KIAA1328: variants seen among roughly 807,000 people sequenced by gnomAD.
KIAA1328 encodes the protein protein hinderin.
In KIAA1328, 52 loss-of-function variants were observed where a neutral mutation model predicts 68.1. That is an observed-to-expected ratio of 0.76 (90% CI 0.61 to 0.96). The LOEUF (loss-of-function observed/expected upper bound fraction) is 0.96, where lower values mean the gene tolerates loss of function less well. KIAA1328 is among the 40% of genes least tolerant of loss of function. The pLI, the probability that KIAA1328 is intolerant of heterozygous loss-of-function variation, is 0.00. For missense variants in KIAA1328, 641 were observed against 677.6 expected (o/e 0.95, Z 0.60); for synonymous variants, 232 against 239.4 (o/e 0.97, Z 0.28).
At chr18:37,211,809 G>A (rs1296540586) in intron 9 of KIAA1328, among the ~76,000 whole-genome samples, 1 of 152,168 alleles carries the variant, frequency 6.6e-6, no homozygotes, top group East Asian at 1.9e-4. Flanking sequence ...GATTGAATAT[G>A]TTGGTGCCTA....
At chr18:37,094,282 G>A (rs779231649) in intron 7 of KIAA1328, among the ~76,000 whole-genome samples, 3 of 152,234 alleles carry the variant, frequency 2.0e-5, no homozygotes, top group South Asian at 2.1e-4. Context: ...GATTGGTACC[G>A]GTCTGCAGCC....
chr18:37,192,955 A>C (rs543409175), intron 9 of KIAA1328, among the ~76,000 whole-genome samples: 1 of 152,228 alleles, frequency 6.6e-6, no homozygotes, highest in African/African-American at 2.4e-5. Flanking sequence ...TTCTTCTTAA[A>C]TAATTTTATT....
chr18:36,903,751 A>G (rs986119032), intron 5 of KIAA1328: 2 of 152,144 alleles, frequency 1.3e-5, no homozygotes, highest in Non-Finnish European at 2.9e-5. Context: ...AATCATTCAA[A>G]AAGTGTTATT....
At chr18:37,008,309 A>G (rs977429034) in intron 6 of KIAA1328, among the ~76,000 whole-genome samples, 6 of 152,206 alleles carry the variant, frequency 3.9e-5, no homozygotes, top group African/African-American at 1.4e-4. Flanking sequence ...CATTGTAGCA[A>G]CGCTTTGAGA....
chr18:36,927,124 T>A (rs556356639), intron 5 of KIAA1328, among the ~76,000 whole-genome samples: 38 of 152,318 alleles, frequency 2.5e-4, no homozygotes, highest in African/African-American at 8.7e-4. Flanking sequence ...ACATTGGGAA[T>A]CACATTTTAA....
intron 4 of KIAA1328, among the ~76,000 whole-genome samples, chr18:36,849,618 C>T (rs1025105497): frequency 6.6e-6 from 1 of 152,030 alleles, no homozygotes; most frequent in Non-Finnish European, 1.5e-5. Context: ...TTTATCCATT[C>T]ATACTTTGAT....
chr18:37,102,647 G>A (rs323291), intron 7 of KIAA1328, among the ~76,000 whole-genome samples: 40,683 of 151,990 alleles, frequency 0.27, 8,591 homozygotes, highest in African/African-American at 0.59. Flanking sequence ...AAAGCTGAAA[G>A]TCTTTCCACT....
intron 5 of KIAA1328, among the ~76,000 whole-genome samples, chr18:36,890,909 G>A (rs931242994): frequency 1.3e-5 from 2 of 152,146 alleles, no homozygotes; most frequent in Non-Finnish European, 2.9e-5. Context: ...TGAAATTCAT[G>A]TAGAGAAATA....
intron 6 of KIAA1328, among the ~76,000 whole-genome samples, chr18:36,967,948 ATC>A (rs1446658091): frequency 6.6e-6 from 1 of 152,194 alleles, no homozygotes; most frequent in African/African-American, 2.4e-5. Flanking sequence ...AAGAGACCAA[ATC>A]TATGACTCAT....
intron 8 of KIAA1328, among the ~76,000 whole-genome samples, chr18:37,166,056 G>A (rs1196011476): frequency 2.9e-5 from 4 of 138,690 alleles, no homozygotes; most frequent in Non-Finnish European, 4.6e-5. Context: ...TTTTTTTTTG[G>A]TAATGACCTT....
intron 6 of KIAA1328, among the ~76,000 whole-genome samples, chr18:37,002,092 C>G (rs1164271872): frequency 6.6e-6 from 1 of 151,990 alleles, no homozygotes; most frequent in Non-Finnish European, 1.5e-5. Context: ...ATAATATTAT[C>G]TTATATCTGG....
intron 6 of KIAA1328, among the ~76,000 whole-genome samples, chr18:36,979,839 A>G (rs2052613882): frequency 6.6e-6 from 1 of 152,216 alleles, no homozygotes; most frequent in South Asian, 2.1e-4. Context: ...TCTATAGTGT[A>G]TACCAGTGCT....
chr18:37,068,790 A>AT (rs375347354), intron 7 of KIAA1328, among the ~76,000 whole-genome samples: 7 of 150,970 alleles, frequency 4.6e-5, no homozygotes, highest in Admixed American at 4.0e-4. Flanking sequence ...TTTATCTTTA[A>AT]TTTTTTTTTC....
chr18:36,850,624 C>G (rs1005054756), intron 4 of KIAA1328, among the ~76,000 whole-genome samples: 2 of 152,124 alleles, frequency 1.3e-5, no homozygotes, highest in African/African-American at 2.4e-5. Context: ...AGCATCACTA[C>G]TCTTGTGCTG....
At chr18:37,046,314 G>A (rs952713786) in intron 6 of KIAA1328, among the ~76,000 whole-genome samples, 1 of 152,170 alleles carries the variant, frequency 6.6e-6, no homozygotes, top group African/African-American at 2.4e-5. Flanking sequence ...AATGTTTGAT[G>A]TTAGTTTTGA....
chr18:37,164,331 T>G (rs749190497), intron 8 of KIAA1328, among the ~76,000 whole-genome samples: 1 of 152,224 alleles, frequency 6.6e-6, no homozygotes, highest in Non-Finnish European at 1.5e-5. Flanking sequence ...TCAGGTAGAC[T>G]TTTTCACCTC....
At chr18:37,221,552 GCTTT>G (rs1401540617) in intron 9 of KIAA1328, among the ~76,000 whole-genome samples, 2 of 152,172 alleles carry the variant, frequency 1.3e-5, no homozygotes, top group Admixed American at 6.5e-5. Flanking sequence ...CTGTGTAATT[GCTTT>G]CTGTTAGATG....
intron 6 of KIAA1328, among the ~76,000 whole-genome samples, chr18:37,026,445 C>T (rs1465957888): frequency 1.3e-5 from 2 of 152,106 alleles, no homozygotes; most frequent in Admixed American, 6.6e-5. Flanking sequence ...GACCAATATC[C>T]CTGATGAACA....
chr18:37,141,260 G>T (rs2058758402), intron 7 of KIAA1328, among the ~76,000 whole-genome samples: 1 of 152,124 alleles, frequency 6.6e-6, no homozygotes, highest in South Asian at 2.1e-4. Flanking sequence ...TCCCTCCAAA[G>T]ATCCCTAGCC....
Sources: gnomAD v4.1 joint callset for allele counts (sites outside exome capture counted in the v4.1 genomes callset) on GRCh38, gnomAD v4.1.1 for gene constraint, MANE v1.5 for transcripts, NCBI Gene and HGNC (gene_info 2026-07-23, HGNC 2026-07-21) for gene names.